Variants in MTUS2 observed in about 807,000 individuals in gnomAD.
The protein encoded by MTUS2 is microtubule-associated tumor suppressor candidate 2.
Under a neutral mutation model 114.1 loss-of-function variants are expected in MTUS2, and 40 were observed. The observed-to-expected ratio is 0.35, with a 90% confidence interval of 0.27 to 0.46. MTUS2 has a LOEUF of 0.46. Ranked by LOEUF, MTUS2 falls within the 20% of genes least tolerant of loss-of-function variation. The pLI, the probability that MTUS2 is intolerant of heterozygous loss-of-function variation, is 1.00. For synonymous variants in MTUS2, 688 were observed against 672.0 expected (o/e 1.02, Z -0.37); for missense variants, 1,679 against 1,705.4 (o/e 0.98, Z 0.27).
Position 29,040,831 on chromosome 13 carries a change from A to G in MTUS2, c.2446+6706A>G, listed in dbSNP as rs1187341567. 2.0e-5 allele frequency among the ~76,000 whole-genome samples: 3 copies of G among 151,762 alleles called. No homozygotes were observed. The East Asian group carries it at 5.8e-4, about 29-fold the overall frequency. On this transcript the variant is annotated intron_variant, in intron 4 of 15. Coordinates refer to ENST00000612955, the MANE Select transcript of MTUS2 (RefSeq NM_001033602.4). ...TGTTTTTTTCTTGCTTATTGGTTTG[A>G]GTTGCTCATAGATTCTGGATATTAG...
chr13:28,933,189 A>G (rs892052948), intron 2 of MTUS2, among the ~76,000 whole-genome samples: 9 of 151,744 alleles, frequency 5.9e-5, no homozygotes, highest in South Asian at 4.2e-4. Context: ...TAACTTATCT[A>G]TTTATCAGCA....
chr13:29,313,628 A>G (rs946755573), intron 6 of MTUS2, among the ~76,000 whole-genome samples: 10 of 152,234 alleles, frequency 6.6e-5, no homozygotes, highest in African/African-American at 2.4e-4. Flanking sequence ...CAGAGAAATC[A>G]GAGGAGAGGT....
At chr13:29,500,534 C>T (rs929062115) in intron 14 of MTUS2, among the ~76,000 whole-genome samples, 14 of 152,146 alleles carry the variant, frequency 9.2e-5, no homozygotes, top group Admixed American at 6.5e-5. Context: ...GCTGCTCTTG[C>T]GCTTTGCATT....
chr13:28,986,049 C>T (rs753402723), intron 2 of MTUS2, among the ~76,000 whole-genome samples: 3 of 152,068 alleles, frequency 2.0e-5, no homozygotes, highest in Non-Finnish European at 4.4e-5. Flanking sequence ...CTTGGTTTTT[C>T]TTCATTTATA....
intron 4 of MTUS2, among the ~76,000 whole-genome samples, chr13:29,074,859 T>A (rs1425818104): frequency 6.6e-6 from 1 of 152,242 alleles, no homozygotes; most frequent in Non-Finnish European, 1.5e-5. Context: ...TATTGAGATA[T>A]AATTCACATA....
At chr13:29,475,633 T>G (rs1880644943) in intron 9 of MTUS2, among the ~76,000 whole-genome samples, 1 of 152,134 alleles carries the variant, frequency 6.6e-6, no homozygotes, top group Non-Finnish European at 1.5e-5. Context: ...TGTCTTAGTT[T>G]TTAACAAAAA....
At chr13:28,908,081 C>T (rs1880160674) in intron 2 of MTUS2, among the ~76,000 whole-genome samples, 1 of 151,406 alleles carries the variant, frequency 6.6e-6, no homozygotes, top group Non-Finnish European at 1.5e-5. Flanking sequence ...CACTCAGTTT[C>T]TTGATTCTCT....
At chr13:29,018,317 GA>G (rs1886152195) in intron 2 of MTUS2, among the ~76,000 whole-genome samples, 2 of 152,148 alleles carry the variant, frequency 1.3e-5, no homozygotes, top group Non-Finnish European at 2.9e-5. Flanking sequence ...GATATTCTTG[GA>G]TGGCACCGTG....
At chr13:29,318,664 A>G (rs1046966514) in intron 6 of MTUS2, among the ~76,000 whole-genome samples, 5 of 152,118 alleles carry the variant, frequency 3.3e-5, no homozygotes, top group African/African-American at 1.2e-4. Flanking sequence ...CACTTTTATG[A>G]TGTCCGGTTC....
chr13:29,262,159 G>A (rs1566097245), intron 5 of MTUS2, among the ~76,000 whole-genome samples: 1 of 152,236 alleles, frequency 6.6e-6, no homozygotes, highest in Non-Finnish European at 1.5e-5. Flanking sequence ...GAGAGTCAGT[G>A]TTAGCACTCC....
At chr13:28,925,749 A>T (rs1192090524) in intron 2 of MTUS2, among the ~76,000 whole-genome samples, 1 of 152,246 alleles carries the variant, frequency 6.6e-6, no homozygotes, top group African/African-American at 2.4e-5. Context: ...GTACCACTGT[A>T]CGAGGTATTG....
chr13:29,282,265 C>A (rs1174639172), intron 6 of MTUS2, among the ~76,000 whole-genome samples: 1 of 152,210 alleles, frequency 6.6e-6, no homozygotes, highest in African/African-American at 2.4e-5. Flanking sequence ...TGCAGCAGTC[C>A]AGGAGTGCCA....
chr13:29,287,347 G>A (rs556834997), intron 6 of MTUS2, among the ~76,000 whole-genome samples: 5 of 152,320 alleles, frequency 3.3e-5, no homozygotes, highest in South Asian at 2.1e-4. Flanking sequence ...GAGATTACCC[G>A]GTTAGGAGTT....
intron 4 of MTUS2, among the ~76,000 whole-genome samples, chr13:29,042,868 C>G (rs1593413979): frequency 6.6e-6 from 1 of 151,910 alleles, no homozygotes; most frequent in African/African-American, 2.4e-5. Flanking sequence ...CTTTTCTTGG[C>G]TAATCTTGCT....
At chr13:28,981,150 A>C (rs1884341086) in intron 2 of MTUS2, among the ~76,000 whole-genome samples, 1 of 152,230 alleles carries the variant, frequency 6.6e-6, no homozygotes, top group Non-Finnish European at 1.5e-5. Flanking sequence ...GGAACTGTAC[A>C]CTTCAATGTG....
At chr13:29,442,220 C>T (rs1243563772) in intron 9 of MTUS2, among the ~76,000 whole-genome samples, 2 of 152,116 alleles carry the variant, frequency 1.3e-5, no homozygotes, top group Non-Finnish European at 2.9e-5. Context: ...ATTCTCAATT[C>T]ACAGCGACCA....
At chr13:29,018,709 G>C (rs1266114982) in intron 2 of MTUS2, among the ~76,000 whole-genome samples, 1 of 151,790 alleles carries the variant, frequency 6.6e-6, no homozygotes, top group East Asian at 1.9e-4. Context: ...ACAGTGAGCT[G>C]AGCTCACACC....
intron 2 of MTUS2, among the ~76,000 whole-genome samples, chr13:28,940,075 T>C (rs1157690900): frequency 6.6e-6 from 1 of 152,160 alleles, no homozygotes; most frequent in East Asian, 1.9e-4. Context: ...ACGTGGGAAT[T>C]ACGGGAGCTA....
At chr13:28,892,499 G>A (rs905037175) in intron 2 of MTUS2, among the ~76,000 whole-genome samples, 5 of 152,122 alleles carry the variant, frequency 3.3e-5, no homozygotes, top group African/African-American at 1.2e-4. Context: ...ACATTTTATA[G>A]CAAGACATAC....
Sources: gnomAD v4.1 joint callset for allele counts (sites outside exome capture counted in the v4.1 genomes callset) on GRCh38, gnomAD v4.1.1 for gene constraint, MANE v1.5 for transcripts, NCBI Gene and HGNC (gene_info 2026-07-23, HGNC 2026-07-21) for gene names.